Variants in PDE3B observed in about 807,000 individuals in gnomAD.
PDE3B encodes the protein phosphodiesterase 3B.
Under a neutral mutation model 116.8 loss-of-function variants are expected in PDE3B, and 66 were observed. That is an observed-to-expected ratio of 0.56 (90% CI 0.46 to 0.69). The LOEUF (loss-of-function observed/expected upper bound fraction) is 0.69, where lower values mean the gene tolerates loss of function less well. Among genes scored for constraint, PDE3B ranks in the 30% least tolerant of loss-of-function variants. The probability of loss-of-function intolerance (pLI) is 0.00; values close to 1 mark genes in which losing one functional copy is unlikely to be tolerated. For missense variants in PDE3B, 1,384 were observed against 1,368.1 expected, an observed-to-expected ratio of 1.01 and a Z score of -0.18; for synonymous variants, 595 against 533.6, an observed-to-expected ratio of 1.12 and a Z score of -1.59.
At chr11:14,697,383 T>A (rs1855238443) in intron 1 of PDE3B, among the ~76,000 whole-genome samples, 1 of 152,198 alleles carries the variant, frequency 6.6e-6, no homozygotes, top group African/African-American at 2.4e-5. Context: ...CCCTTCAGAC[T>A]TTCAGTGGTC....
At chr11:14,889,380 G>C in the PDE3B span, among the ~76,000 whole-genome samples, 1 of 152,178 alleles carries the variant, frequency 6.6e-6, no homozygotes, top group African/African-American at 2.4e-5. Context: ...GATAATGGGA[G>C]ATCTTTAGAG....
At chr11:14,813,193 A>G (rs1859206992) in intron 5 of PDE3B, among the ~76,000 whole-genome samples, 1 of 152,224 alleles carries the variant, frequency 6.6e-6, no homozygotes, top group Non-Finnish European at 1.5e-5. Flanking sequence ...AAATTACCAT[A>G]TGCTTAGTGA....
the PDE3B span, among the ~76,000 whole-genome samples, chr11:14,896,539 C>T: frequency 6.6e-6 from 1 of 152,114 alleles, no homozygotes; most frequent in Non-Finnish European, 1.5e-5. Context: ...AGATGCCAAA[C>T]ATTTTTGTTT....
intron 1 of PDE3B, among the ~76,000 whole-genome samples, chr11:14,672,088 A>G (rs1208051528): frequency 6.7e-6 from 1 of 148,464 alleles, no homozygotes; most frequent in African/African-American, 2.5e-5. Context: ...TTTACCAGAT[A>G]CTAGTGTTAA....
Position 14,654,720 on chromosome 11 carries a change from G to A in PDE3B, c.978+9667G>A, listed in dbSNP as rs1420745731. On this transcript the variant is annotated intron_variant, in intron 1 of 15. Transcript: ENST00000282096. ...AGAAATTAGAAGAGTATGTTAAAAA[G>A]TTATATTTCAAGGGGAGGGCTAAGA... Among the ~76,000 whole-genome samples the A allele has an allele frequency of 4.6e-5, 7 of 151,424 alleles. No individual in the cohort carries two copies. The East Asian group carries it at 1.4e-3, about 30-fold the overall frequency.
At chr11:14,855,538 CTATT>C (rs1342303367) in intron 12 of PDE3B, among the ~76,000 whole-genome samples, 2 of 152,110 alleles carry the variant, frequency 1.3e-5, no homozygotes, top group African/African-American at 4.8e-5. Flanking sequence ...GGGATAGGCA[CTATT>C]TAGGCATTGT....
chr11:14,748,551 T>C (rs1340143318), intron 1 of PDE3B, among the ~76,000 whole-genome samples: 1 of 152,214 alleles, frequency 6.6e-6, no homozygotes, highest in Non-Finnish European at 1.5e-5. Flanking sequence ...AGACATGAGC[T>C]AAAGAGACCC....
At chr11:14,819,298 A>G in intron 7 of PDE3B, 89 bp downstream of exon 7, 1 of 745,436 alleles carries the variant, frequency 1.3e-6, no homozygotes, top group Middle Eastern at 4.0e-4. Context: ...GTTTAACTTC[A>G]GTTTATCCAT....
intron 1 of PDE3B, among the ~76,000 whole-genome samples, chr11:14,671,932 G>A (rs998197189): frequency 1.3e-5 from 2 of 151,094 alleles, no homozygotes; most frequent in African/African-American, 4.9e-5. Context: ...GGGGGCTGAG[G>A]TGGGAGGCTA....
intron 1 of PDE3B, among the ~76,000 whole-genome samples, chr11:14,675,714 G>A (rs919793434): frequency 3.3e-5 from 5 of 152,054 alleles, no homozygotes; most frequent in Non-Finnish European, 7.4e-5. Context: ...CAATGAATAT[G>A]TTCCCTGAAT....
chr11:14,764,077 G>A (rs999094534), intron 1 of PDE3B, among the ~76,000 whole-genome samples: 4 of 152,118 alleles, frequency 2.6e-5, no homozygotes, highest in African/African-American at 7.2e-5. Flanking sequence ...TAGCAATTAT[G>A]GAAAGCTGTT....
intron 1 of PDE3B, among the ~76,000 whole-genome samples, chr11:14,746,415 A>G (rs1004939627): frequency 2.6e-5 from 4 of 152,118 alleles, no homozygotes; most frequent in Non-Finnish European, 4.4e-5. Context: ...ATAATAAAAT[A>G]AAGCTGTCTT....
Position 14,843,997 on chromosome 11 carries a change from G to A in PDE3B, c.2491G>A (p.Ala831Thr). The change falls in exon 12 of 16, where the codon GCA becomes ACA. Residue 831 changes from alanine to threonine, a missense_variant. Around this residue, in one of 2 missense-constraint regions of PDE3B, gnomAD observed 428 missense variants for 561.4 expected, o/e 0.76. Coordinates refer to ENST00000282096, the MANE Select transcript of PDE3B (RefSeq NM_000922.4). ...HDYDHPGRTN[A>T]FLVATNAPQA... ...TTATGATCACCCAGGGAGGACAAAT[G>A]CATTTCTAGTGGCTACAAATGCCCC... is the stretch of plus-strand genomic sequence containing the variant. 6.2e-7 allele frequency: 1 copy of A among 1,613,994 alleles called. No homozygotes were observed. Among genetic ancestry groups the A allele is most frequent in the South Asian group, 1.1e-5 (1 of 91,070 alleles).
intron 1 of PDE3B, among the ~76,000 whole-genome samples, chr11:14,661,448 A>T (rs1034314502): frequency 5.3e-5 from 8 of 152,344 alleles, no homozygotes; most frequent in East Asian, 3.9e-4. Flanking sequence ...AGTGCCAGAC[A>T]GTGGGCGTAG....
intron 1 of PDE3B, among the ~76,000 whole-genome samples, chr11:14,745,025 A>G (rs996918651): frequency 3.3e-5 from 5 of 151,904 alleles, no homozygotes; most frequent in African/African-American, 9.7e-5. Context: ...GGGTCTCTCT[A>G]TGTTGCCCAG....
chr11:14,888,373 TA>T, the PDE3B span, among the ~76,000 whole-genome samples: 10 of 152,226 alleles, frequency 6.6e-5, no homozygotes, highest in African/African-American at 2.2e-4. Context: ...GACATACATT[TA>T]AACATATTAT....
Position 14,869,572 on chromosome 11 carries a change from C to G in PDE3B, c.3251C>G (p.Ala1084Gly). The G allele has an allele frequency of 6.2e-7, 1 of 1,613,762 alleles. No homozygotes were observed. The change falls in exon 16 of 16, where the codon GCT (alanine) becomes GGT (glycine). Residue 1084 changes from alanine to glycine, a missense_variant. By Grantham distance (60) the Ala-to-Gly change is moderately conservative. This residue lies in a region of PDE3B where 428 missense variants were observed against 561.4 expected (regional missense o/e 0.76). Coordinates refer to ENST00000282096, the MANE Select transcript of PDE3B (RefSeq NM_000922.4). Reference protein sequence around the residue: ...EIVEEEEKCKADGNKLQVENS... With the variant: ...EIVEEEEKCKGDGNKLQVENS... ...GTAGAGGAAGAAGAAAAATGTAAAG[C>G]TGATGGGAATAAACTGCAGGTGGAG...
intron 12 of PDE3B, among the ~76,000 whole-genome samples, chr11:14,847,040 T>C (rs1394132427): frequency 6.6e-6 from 1 of 152,102 alleles, no homozygotes; most frequent in Non-Finnish European, 1.5e-5. Context: ...AATATACATT[T>C]TTTTCAGCAC....
rs765159441 is a variant in PDE3B at position 14,644,492 on chromosome 11, C to G, written c.417C>G (p.Thr139=). 1.2e-6 allele frequency: 2 copies of G among 1,612,518 alleles called. No homozygotes were observed. Among genetic ancestry groups the G allele is most frequent in the Non-Finnish European group, 1.7e-6 (2 of 1,179,434 alleles). The part of the protein sequence containing the change: ...FFFLTCFLTR[T]KRGPGPGRSC... Reference sequence around the variant, plus strand: ...TCCTCACCTGCTTCCTCACCCGGACCAAGCGGGGACCCGGCCCGGGCCGGA... The same window carrying G: ...TCCTCACCTGCTTCCTCACCCGGACGAAGCGGGGACCCGGCCCGGGCCGGA... The change falls in exon 1 of 16, where the codon ACC becomes ACG. Residue 139 remains threonine, a synonymous_variant. Coordinates refer to ENST00000282096, the MANE Select transcript of PDE3B (RefSeq NM_000922.4).
Sources: gnomAD v4.1 joint callset for allele counts (sites outside exome capture counted in the v4.1 genomes callset) on GRCh38, gnomAD v4.1.1 for gene constraint, gnomAD v4.1.1 regional missense constraint, MANE v1.5 for transcripts, NCBI Gene and HGNC (gene_info 2026-07-23, HGNC 2026-07-21) for gene names.